The following PLXNC1 variants were observed in gnomAD, a reference collection of about 807,000 sequenced individuals.
The protein encoded by PLXNC1 is plexin-C1.
PLXNC1 carries 75 observed loss-of-function variants against 178.2 expected under a neutral mutation model. The observed-to-expected ratio is 0.42, with a 90% CI of 0.35 to 0.51. PLXNC1 has a LOEUF of 0.51. Ranked by LOEUF, PLXNC1 falls within the 20% of genes least tolerant of loss-of-function variation. The pLI is 0.02. For missense variants in PLXNC1, 1,503 were observed against 1,984.4 expected (o/e 0.76, Z 4.61); for synonymous variants, 790 against 779.9 (o/e 1.01, Z -0.22).
At chr12:94,179,541 G>A (rs557488038) in intron 2 of PLXNC1, among the ~76,000 whole-genome samples, 68 of 152,168 alleles carry the variant, frequency 4.5e-4, no homozygotes, top group Admixed American at 8.5e-4. Flanking sequence ...AGGAGTTCAA[G>A]ACCAGCCTGG....
chr12:94,186,495 A>C (rs1371964229), intron 4 of PLXNC1, 22 bp downstream of exon 4: 9 of 1,527,814 alleles, frequency 5.9e-6, no homozygotes, highest in Non-Finnish European at 8.2e-6. Flanking sequence ...ATTCTTTCTC[A>C]CCAACTCGCA....
rs1964458796 is a variant in PLXNC1, at chr12:94,243,975, G to A, written c.2338G>A (p.Asp780Asn). Residue 780 changes from aspartate (D) to asparagine (N), a missense_variant, in exon 12 of 31, where the codon GAT (aspartate) becomes AAT (asparagine). Physicochemically the swap from Asp to Asn is conservative, Grantham distance 23 (BLOSUM62 1). Coordinates refer to ENST00000258526, the MANE Select transcript of PLXNC1 (RefSeq NM_005761.3). The part of the protein sequence containing the change: ...QNITMMGRNF[D>N]VIDNLIISHE... ...TATAACCATGATGGGCAGAAATTTT[G>A]ATGTAATTGACAACTTAATCATTTC... 1 of 1,599,820 alleles carries A rather than the reference G, an allele frequency of 6.3e-7. No individual in the cohort carries two copies. The highest frequency in any genetic ancestry group is 1.3e-5 in the African/African-American group (1 of 74,714).
chr12:94,182,216 G>C (rs764699083), intron 3 of PLXNC1, among the ~76,000 whole-genome samples: 2 of 152,080 alleles, frequency 1.3e-5, no homozygotes, highest in Non-Finnish European at 2.9e-5. Flanking sequence ...GCATAGAATT[G>C]TGTACATATA....
rs546988549 is a variant in PLXNC1 at position 94,306,041 on chromosome 12, T to A, written c.*756T>A. ...ATGTTCCTTTTCTTCATCTGTTTTT[T>A]CATACTAAATGTATTTGATAGTGGA... is the stretch of plus-strand genomic sequence containing the variant. On this transcript the variant is annotated 3_prime_UTR_variant, in exon 31 of 31. Coordinates refer to ENST00000258526, the MANE Select transcript of PLXNC1 (RefSeq NM_005761.3). 6.6e-6 allele frequency: 1 copy of A among 152,314 alleles called. No individual in the cohort carries two copies. Among genetic ancestry groups the A allele is most frequent in the South Asian group, 2.1e-4 (1 of 4,830 alleles). 9.4% of individuals were successfully genotyped at this position (152,314 alleles called of 1,614,324 possible). A position where few individuals can be genotyped will look rare whatever the true frequency, so the allele number is the denominator to read the frequency against.
intron 7 of PLXNC1, 75 bp downstream of exon 7, chr12:94,224,390 TA>T: frequency 1.1e-6 from 1 of 878,028 alleles, no homozygotes; most frequent in Non-Finnish European, 1.9e-6. Context: ...CTCGATTTCC[TA>T]AAGAACTCTT....
chr12:94,268,588 C>CTTTTTTTT (rs61265662), intron 21 of PLXNC1, among the ~76,000 whole-genome samples: 1,605 of 90,804 alleles, frequency 0.018, 39 homozygotes, highest in East Asian at 0.028. Flanking sequence ...AGAATAAGAC[C>CTTTTTTTT]TTTTTTTTTT....
At chr12:94,249,839 T>C (rs1964627556) in intron 14 of PLXNC1, among the ~76,000 whole-genome samples, 1 of 150,708 alleles carries the variant, frequency 6.6e-6, no homozygotes, top group South Asian at 2.1e-4. Context: ...TCTGCCTTTA[T>C]GGAGGTTCCC....
At chr12:94,273,724 A>C (rs1342962743) in intron 21 of PLXNC1, among the ~76,000 whole-genome samples, 1 of 152,206 alleles carries the variant, frequency 6.6e-6, no homozygotes, top group Admixed American at 6.5e-5. Flanking sequence ...TGCCCTGCAC[A>C]CAATAGGTGC....
intron 6 of PLXNC1, among the ~76,000 whole-genome samples, chr12:94,221,416 G>C (rs562435870): frequency 6.6e-6 from 1 of 152,048 alleles, no homozygotes; most frequent in Admixed American, 6.6e-5. Flanking sequence ...GAAGCCAAGG[G>C]GGATGGAGAG....
intron 4 of PLXNC1, among the ~76,000 whole-genome samples, chr12:94,197,340 G>A (rs556008217): frequency 7.3e-4 from 111 of 152,158 alleles, no homozygotes; most frequent in African/African-American, 2.7e-3. Flanking sequence ...CCTCATGAAT[G>A]GATTAATGAC....
At chr12:94,223,748 C>T (rs917184527) in intron 6 of PLXNC1, among the ~76,000 whole-genome samples, 1 of 152,102 alleles carries the variant, frequency 6.6e-6, no homozygotes, top group Admixed American at 6.5e-5. Context: ...CCAAGAAGAT[C>T]GTGGAACCCA....
At chr12:94,301,269 C>T (rs1032583062) in intron 28 of PLXNC1, among the ~76,000 whole-genome samples, 3 of 152,178 alleles carry the variant, frequency 2.0e-5, no homozygotes, top group African/African-American at 7.2e-5. Context: ...ATTAGCCCCA[C>T]CCAACTGCAG....
chr12:94,265,117 T>C lies in PLXNC1; in HGVS notation c.3489T>C (p.Thr1163=), dbSNP rs755924178. ...VGEPFYLLVT[T]LNQKINKGPV... ...AGCCCTTCTATTTGCTGGTGACGACTCTGAACCAGAAAATTAACAAGGGTC... is the reference window on the plus strand; with the variant it reads ...AGCCCTTCTATTTGCTGGTGACGACCCTGAACCAGAAAATTAACAAGGGTC... The change falls in exon 21 of 31, where the codon ACT becomes ACC. Residue 1163 remains threonine (T), a synonymous_variant. Transcript: ENST00000258526. The C allele has an allele frequency of 1.2e-6, 2 of 1,614,212 alleles. No individual in the cohort carries two copies. The highest frequency in any genetic ancestry group is 2.2e-5 in the South Asian group (2 of 91,086).
At chr12:94,181,685 C>A in intron 3 of PLXNC1, 105 bp downstream of exon 3, 1 of 998,316 alleles carries the variant, frequency 1.0e-6, no homozygotes, top group Non-Finnish European at 1.5e-6. Context: ...AGAGTTTAAG[C>A]AGTGCCCCAG....
In PLXNC1 at chr12:94,156,409, G is replaced by C. The variant is rs142968138; in HGVS notation, c.1062+6376G>C. On this transcript the variant is annotated intron_variant, in intron 1 of 30. Transcript: ENST00000258526. Reference sequence around the variant, plus strand: ...ATCCTCCTACCAAATAACCTCCTCTGCTTCCTCAAACATCTACTCCCTCCC... The same window carrying C: ...ATCCTCCTACCAAATAACCTCCTCTCCTTCCTCAAACATCTACTCCCTCCC... 5.3e-5 allele frequency among the ~76,000 whole-genome samples: 8 copies of C among 151,576 alleles called. No individual in the cohort carries two copies. The East Asian group carries it at 1.4e-3, about 26-fold the overall frequency.
intron 12 of PLXNC1, 70 bp from the exon 13 acceptor site, chr12:94,247,833 C>T: frequency 7.1e-7 from 1 of 1,415,232 alleles, no homozygotes; most frequent in African/African-American, 1.4e-5. Flanking sequence ...GCTCAGGTCA[C>T]TTAGCTCTTA....
intron 4 of PLXNC1, among the ~76,000 whole-genome samples, chr12:94,195,669 A>T (rs1267513086): frequency 6.6e-6 from 1 of 152,202 alleles, no homozygotes; most frequent in Non-Finnish European, 1.5e-5. Context: ...CCATGTTGAC[A>T]GTTGGAAGAC....
At chr12:94,170,728 A>G (rs1961812460) in intron 2 of PLXNC1, among the ~76,000 whole-genome samples, 1 of 150,328 alleles carries the variant, frequency 6.7e-6, no homozygotes, top group South Asian at 2.2e-4. Flanking sequence ...CCTGGTAGGC[A>G]TTTGATTTAA....
intron 9 of PLXNC1, among the ~76,000 whole-genome samples, chr12:94,229,425 AT>A (rs961341993): frequency 1.3e-5 from 2 of 152,030 alleles, no homozygotes; most frequent in Admixed American, 1.3e-4. Flanking sequence ...CAGTTCATTT[AT>A]TTTTTCTTTT....
Sources: allele counts gnomAD v4.1 joint callset (sites outside exome capture counted in the v4.1 genomes callset), GRCh38; gene constraint gnomAD v4.1.1; transcripts MANE v1.5; gene names NCBI Gene and HGNC (gene_info 2026-07-23, HGNC 2026-07-21).